Variants in LYPD6 observed in about 807,000 individuals in gnomAD.
LYPD6 encodes the protein ly6/PLAUR domain-containing protein 6.
LYPD6 carries 15 observed loss-of-function variants against 22.7 expected under a neutral mutation model. The ratio of observed to expected loss-of-function variants is 0.66; its 90% CI spans 0.44 to 1.02. LYPD6 has a LOEUF of 1.02. LYPD6 is among the 50% of genes least tolerant of loss of function. LYPD6 has a pLI of 0.00. For missense variants in LYPD6, 189 were observed against 208.4 expected (o/e 0.91, Z 0.57); for synonymous variants, 72 against 77.5 (o/e 0.93, Z 0.37).
At chr2:149,431,886 A>G (rs551375082) in intron 1 of LYPD6, among the ~76,000 whole-genome samples, 1 of 152,334 alleles carries the variant, frequency 6.6e-6, no homozygotes, top group East Asian at 1.9e-4. Context: ...AGAATCCAGA[A>G]TATAGAACTC....
rs1399392994 is a variant in LYPD6 at position 149,473,355 on chromosome 2, A to C, written c.*2505A>C. The C allele has an allele frequency of 6.6e-6, 1 of 152,594 alleles. No homozygotes were observed. The highest frequency in any genetic ancestry group is 1.5e-5 in the Non-Finnish European group (1 of 68,044). The allele number at this position is 152,594 out of a possible 1,614,324, so 9.5% of individuals were successfully genotyped here. ...CTTGAAAGAAAGTTATTTGCTCACT[A>C]TCCCCAGCCTCAAGGAGCCAAGGAA... On this transcript the variant is annotated 3_prime_UTR_variant, in exon 5 of 5. Transcript: ENST00000334166.
chr2:149,462,370 G>GT (rs769590467), intron 3 of LYPD6, among the ~76,000 whole-genome samples: 7 of 151,710 alleles, frequency 4.6e-5, no homozygotes, highest in African/African-American at 7.3e-5. Context: ...AGCAAAACAT[G>GT]TATAGGACTT....
At chr2:149,403,436 G>A (rs1293322197) in intron 1 of LYPD6, among the ~76,000 whole-genome samples, 2 of 150,118 alleles carry the variant, frequency 1.3e-5, no homozygotes, top group African/African-American at 5.0e-5. Context: ...ACTGGTGTGA[G>A]ATGGTATCTC....
chr2:149,385,436 A>G (rs1682161843), intron 1 of LYPD6, among the ~76,000 whole-genome samples: 2 of 152,194 alleles, frequency 1.3e-5, no homozygotes, highest in Admixed American at 1.3e-4. Flanking sequence ...TGCCAAAGAC[A>G]TTGGCAATTT....
chr2:149,333,997 T>A (rs933484378), intron 1 of LYPD6, among the ~76,000 whole-genome samples: 1 of 152,010 alleles, frequency 6.6e-6, no homozygotes, highest in Non-Finnish European at 1.5e-5. Context: ...AATTTACCCA[T>A]AAGAAAGTGG....
chr2:149,444,693 T>A (rs1323868805), intron 2 of LYPD6, among the ~76,000 whole-genome samples: 1 of 152,178 alleles, frequency 6.6e-6, no homozygotes, highest in African/African-American at 2.4e-5. Context: ...AACTCCTCAT[T>A]CACTTAACTT....
chr2:149,352,250 G>A (rs941296029), intron 1 of LYPD6, among the ~76,000 whole-genome samples: 1 of 152,190 alleles, frequency 6.6e-6, no homozygotes, highest in Admixed American at 6.5e-5. Flanking sequence ...AATGCATAAA[G>A]GGCTGGCAGG....
intron 1 of LYPD6, among the ~76,000 whole-genome samples, chr2:149,358,346 A>G (rs192853376): frequency 1.3e-5 from 2 of 152,342 alleles, no homozygotes; most frequent in East Asian, 3.9e-4. Context: ...CAAGTCTTTA[A>G]TAAAGAGTTA....
At chr2:149,451,020 A>G (rs1352245386) in intron 3 of LYPD6, among the ~76,000 whole-genome samples, 1 of 152,204 alleles carries the variant, frequency 6.6e-6, no homozygotes, top group Non-Finnish European at 1.5e-5. Context: ...GCTAGTATAT[A>G]GGAAGCGTGT....
chr2:149,455,456 C>G (rs960027112), intron 3 of LYPD6, among the ~76,000 whole-genome samples: 1 of 152,038 alleles, frequency 6.6e-6, no homozygotes, highest in Non-Finnish European at 1.5e-5. Flanking sequence ...GACAGTATTT[C>G]ACCATGTTAG....
intron 1 of LYPD6, among the ~76,000 whole-genome samples, chr2:149,365,048 G>A (rs76928072): frequency 0.013 from 2,051 of 152,200 alleles, 16 homozygotes; most frequent in Non-Finnish European, 0.021. Context: ...TTAGGTCATT[G>A]GTGTGTTTTG....
intron 1 of LYPD6, among the ~76,000 whole-genome samples, chr2:149,401,201 A>G (rs745951695): frequency 6.6e-6 from 1 of 152,176 alleles, no homozygotes; most frequent in Non-Finnish European, 1.5e-5. Flanking sequence ...AATGTACCAC[A>G]TGACCATCAG....
rs1051807368 is a variant in LYPD6, at chr2:149,472,994, A to C, written c.*2144A>C. Reference sequence around the variant, plus strand: ...CCCAGGTGATGTTTTTTCTTTGGGGAGTAGGGGTTTGGCTTCCTCATTCAT... The same window carrying C: ...CCCAGGTGATGTTTTTTCTTTGGGGCGTAGGGGTTTGGCTTCCTCATTCAT... On this transcript the variant is annotated 3_prime_UTR_variant, in exon 5 of 5. Transcript: ENST00000334166. The C allele has an allele frequency of 5.3e-5, 8 of 152,292 alleles. No individual in the cohort carries two copies. Among genetic ancestry groups the C allele is most frequent in the African/African-American group, 1.9e-4 (8 of 41,352 alleles). 9.4% of individuals were successfully genotyped at this position (152,292 alleles called of 1,614,324 possible).
intron 1 of LYPD6, among the ~76,000 whole-genome samples, chr2:149,411,300 G>A (rs1010512168): frequency 1.3e-5 from 2 of 151,948 alleles, no homozygotes; most frequent in African/African-American, 4.8e-5. Flanking sequence ...AAAAATGTGT[G>A]TGTATTTTTT....
chr2:149,444,149 G>T (rs1683629152), intron 2 of LYPD6, among the ~76,000 whole-genome samples: 1 of 152,016 alleles, frequency 6.6e-6, no homozygotes, highest in East Asian at 1.9e-4. Flanking sequence ...GCTAAGGCTG[G>T]TCTCGAACTT....
At chr2:149,476,964 G>A (rs2105190434), downstream of LYPD6, among the ~76,000 whole-genome samples, 1 of 152,288 alleles carries the variant, frequency 6.6e-6, no homozygotes, top group South Asian at 2.1e-4. Context: ...TTTGGGGAGA[G>A]GGATCATGCT....
At chr2:149,446,374 T>C (rs1683687932) in intron 2 of LYPD6, among the ~76,000 whole-genome samples, 1 of 152,176 alleles carries the variant, frequency 6.6e-6, no homozygotes, top group Admixed American at 6.5e-5. Context: ...CCACAAAACT[T>C]CAATTTGTAA....
intron 1 of LYPD6, among the ~76,000 whole-genome samples, chr2:149,412,661 A>G (rs1297214584): frequency 1.3e-5 from 2 of 152,174 alleles, no homozygotes; most frequent in Non-Finnish European, 2.9e-5. Context: ...TCTGCTGTCT[A>G]TATCCAATTG....
intron 1 of LYPD6, among the ~76,000 whole-genome samples, chr2:149,363,399 C>T (rs1681605642): frequency 6.6e-6 from 1 of 152,072 alleles, no homozygotes; most frequent in South Asian, 2.1e-4. Flanking sequence ...AATAATTTTC[C>T]CCCAATCACA....
Sources: gnomAD v4.1 joint callset for allele counts (sites outside exome capture counted in the v4.1 genomes callset) on GRCh38, gnomAD v4.1.1 for gene constraint, MANE v1.5 for transcripts, NCBI Gene and HGNC (gene_info 2026-07-23, HGNC 2026-07-21) for gene names.